SCN1A: variants seen among roughly 807,000 people sequenced by gnomAD.
SCN1A encodes the protein sodium voltage-gated channel alpha subunit 1.
Under a neutral mutation model 193.7 loss-of-function variants are expected in SCN1A, and 13 were observed. That is an observed-to-expected ratio of 0.07 (90% CI 0.04 to 0.11). The LOEUF (loss-of-function observed/expected upper bound fraction) is 0.11, where lower values mean the gene tolerates loss of function less well. Among genes scored for constraint, SCN1A ranks in the 10% least tolerant of loss-of-function variants. The pLI, the probability that SCN1A is intolerant of heterozygous loss-of-function variation, is 1.00. For synonymous variants in SCN1A, 781 were observed against 843.6 expected (o/e 0.93, Z 1.29); for missense variants, 1,432 against 2,451.1 (o/e 0.58, Z 8.78).
At chr2:166,003,476 C>A (rs76475225) in intron 23 of SCN1A, among the ~76,000 whole-genome samples, 6,451 of 150,522 alleles carry the variant, frequency 0.043, 170 homozygotes, top group Non-Finnish European at 0.062. Context: ...ATACATAGTT[C>A]TCAAATCTGA....
intron 2 of SCN1A, among the ~76,000 whole-genome samples, chr2:166,116,347 CCT>C (rs1161991792): frequency 6.6e-6 from 1 of 152,116 alleles, no homozygotes. Flanking sequence ...ATTTTATAAT[CCT>C]CTGATTTGCT....
chr2:166,102,413 G>A (rs1010583783), intron 2 of SCN1A, among the ~76,000 whole-genome samples: 1 of 151,080 alleles, frequency 6.6e-6, no homozygotes, highest in African/African-American at 2.4e-5. Context: ...GGAGAATGGC[G>A]TGAACCCAGG....
chr2:166,021,523 C>T (rs1694061123), intron 19 of SCN1A, among the ~76,000 whole-genome samples: 1 of 152,004 alleles, frequency 6.6e-6, no homozygotes, highest in African/African-American at 2.4e-5. Context: ...AAACCTTTTA[C>T]ATAGTCAATA....
At chr2:166,146,630 A>G (rs1261084132) in intron 1 of SCN1A, among the ~76,000 whole-genome samples, 1 of 152,170 alleles carries the variant, frequency 6.6e-6, no homozygotes, top group Non-Finnish European at 1.5e-5. Flanking sequence ...CCAAATGTCA[A>G]TAGTACTGAG....
intron 2 of SCN1A, among the ~76,000 whole-genome samples, chr2:166,080,475 C>T (rs1302372909): frequency 6.6e-6 from 1 of 151,666 alleles, no homozygotes; most frequent in Non-Finnish European, 1.5e-5. Flanking sequence ...TAACAAAGTG[C>T]ATGTTAGCAA....
intron 19 of SCN1A, among the ~76,000 whole-genome samples, chr2:166,026,519 T>A (rs1694780974): frequency 6.6e-6 from 1 of 152,088 alleles, no homozygotes; most frequent in African/African-American, 2.4e-5. Flanking sequence ...TATTCTCAAA[T>A]AAGTATTTTT....
rs777633456 is a variant in SCN1A at position 166,074,049 on chromosome 2, G to A, written c.-49-379C>T. 3.9e-5 allele frequency among the ~76,000 whole-genome samples: 6 copies of A among 152,294 alleles called. No homozygotes were observed. The South Asian group carries it at 6.2e-4, about 16-fold the overall frequency. ...AGGATAGCTCATTTAACAAGGATGAGGGGAAAAGGAATTGTCTCTGAGAGG... is the reference window on the plus strand; with the variant it reads ...AGGATAGCTCATTTAACAAGGATGAAGGGAAAAGGAATTGTCTCTGAGAGG... On this transcript the variant is annotated intron_variant, in intron 3 of 28. Coordinates refer to ENST00000674923, the MANE Select transcript of SCN1A (RefSeq NM_001165963.4).
intron 19 of SCN1A, 78 bp downstream of exon 19, chr2:166,035,970 A>C: frequency 6.9e-7 from 1 of 1,440,268 alleles, no homozygotes; most frequent in Non-Finnish European, 9.6e-7. Context: ...AAACATCATT[A>C]AGCTGAGGAT....
chr2:166,038,557 C>T (rs866046619), intron 17 of SCN1A, among the ~76,000 whole-genome samples: 5 of 151,946 alleles, frequency 3.3e-5, no homozygotes, highest in Non-Finnish European at 5.9e-5. Flanking sequence ...AGGCTGGTCA[C>T]GAACTCCTGA....
chr2:166,041,074 A>C, intron 16 of SCN1A, 157 bp downstream of exon 16: 1 of 651,082 alleles, frequency 1.5e-6, no homozygotes, highest in Non-Finnish European at 2.7e-6. Context: ...TATTTTTGGC[A>C]AAAAAGTAGA....
intron 8 of SCN1A, 43 bp from the exon 9 acceptor site, chr2:166,052,031 G>A (rs1455839689): frequency 6.5e-7 from 1 of 1,549,708 alleles, no homozygotes; most frequent in South Asian, 1.2e-5. Context: ...TAACACGTGT[G>A]AAATAATAAA....
At chr2:166,087,027 A>G (rs1274407436) in intron 2 of SCN1A, among the ~76,000 whole-genome samples, 1 of 151,994 alleles carries the variant, frequency 6.6e-6, no homozygotes, top group Non-Finnish European at 1.5e-5. Flanking sequence ...TCTCATGTTG[A>G]AATTTGATTC....
In SCN1A at chr2:165,988,550, G is replaced by A. The variant is rs575989604; in HGVS notation, c.*2695C>T. ...CAGTCTGATTGGAGTATGACTTTTC[G>A]GGGAGGAATGAGTCCAGTGCCAACC... is the stretch of plus-strand genomic sequence containing the variant. On this transcript the variant is annotated 3_prime_UTR_variant, in exon 29 of 29. Transcript: ENST00000674923. 1.7e-3 allele frequency: 262 copies of A among 152,254 alleles called. No homozygotes were observed. The highest frequency in any genetic ancestry group is 2.9e-3 in the Non-Finnish European group (198 of 68,072). 9.4% of individuals were successfully genotyped at this position (152,254 alleles called of 1,614,324 possible).
chr2:165,999,654 T>C, intron 25 of SCN1A, 69 bp downstream of exon 25: 1 of 1,110,846 alleles, frequency 9.0e-7, no homozygotes, highest in South Asian at 1.2e-5. Flanking sequence ...TGGTCGTTTA[T>C]GCTTTATTCG....
At chr2:166,089,136 T>C (rs576413680) in intron 2 of SCN1A, among the ~76,000 whole-genome samples, 7 of 152,232 alleles carry the variant, frequency 4.6e-5, no homozygotes, top group African/African-American at 1.7e-4. Context: ...GTCATCTACA[T>C]TGAGTATTTC....
At chr2:166,134,279 C>G (rs760972995) in intron 1 of SCN1A, among the ~76,000 whole-genome samples, 1 of 152,068 alleles carries the variant, frequency 6.6e-6, no homozygotes, top group African/African-American at 2.4e-5. Context: ...TAGTTTTATA[C>G]CACAAAGGTC....
At chr2:166,026,841 A>G (rs1396756709) in intron 19 of SCN1A, among the ~76,000 whole-genome samples, 4 of 151,142 alleles carry the variant, frequency 2.6e-5, no homozygotes, top group Non-Finnish European at 4.4e-5. Flanking sequence ...CCACCACTGC[A>G]CCCGGCTAAT....
At position 165,990,957 on chromosome 2, in the gene SCN1A, C is replaced by A. The variant is rs1443125272; in HGVS notation, c.*288G>T. ...CAACCCCAAAATCACAGGTTTGCAC[C>A]CCTTGAAACTGGTCCCTACAGTCTG... On this transcript the variant is annotated 3_prime_UTR_variant, in exon 29 of 29. Coordinates refer to ENST00000674923, the MANE Select transcript of SCN1A (RefSeq NM_001165963.4). 2.7e-6 allele frequency: 1 copy of A among 373,358 alleles called. No individual in the cohort carries two copies. The highest frequency in any genetic ancestry group is 5.1e-5 in the East Asian group (1 of 19,690). The allele number at this position is 373,358 out of a possible 1,614,324, so 23.1% of individuals were successfully genotyped here. A position where few individuals can be genotyped will look rare whatever the true frequency, so the allele number is the denominator to read the frequency against.
intron 2 of SCN1A, among the ~76,000 whole-genome samples, chr2:166,117,931 C>A (rs1007209678): frequency 6.6e-6 from 1 of 151,332 alleles, no homozygotes; most frequent in Non-Finnish European, 1.5e-5. Flanking sequence ...CCATTGCACT[C>A]CAGCCTGGGC....
Sources: allele counts gnomAD v4.1 joint callset (sites outside exome capture counted in the v4.1 genomes callset), GRCh38; gene constraint gnomAD v4.1.1; transcripts MANE v1.5; gene names NCBI Gene and HGNC (gene_info 2026-07-23, HGNC 2026-07-21).